KCNK9: variants seen among roughly 807,000 people sequenced by gnomAD.
KCNK9 encodes potassium channel subfamily K member 9.
In KCNK9, 1 loss-of-function variant was observed where a neutral mutation model predicts 10.8. That is an observed-to-expected ratio of 0.09 (90% CI 0.03 to 0.44). KCNK9 has a LOEUF of 0.44. KCNK9 is among the 20% of genes least tolerant of loss of function. KCNK9 has a pLI of 0.97. For synonymous variants in KCNK9, 231 were observed against 222.7 expected (o/e 1.04, Z -0.33); for missense variants, 303 against 515.0 (o/e 0.59, Z 3.98).
intron 1 of KCNK9, among the ~76,000 whole-genome samples, chr8:139,697,988 AC>A (rs2129814372): frequency 6.6e-6 from 1 of 152,198 alleles, no homozygotes; most frequent in South Asian, 2.1e-4. Context: ...CTCTGGGCCC[AC>A]CCCATGGCGC....
At chr8:139,694,155 C>T (rs562742654) in intron 1 of KCNK9, among the ~76,000 whole-genome samples, 1 of 152,046 alleles carries the variant, frequency 6.6e-6, no homozygotes, top group African/African-American at 2.4e-5. Flanking sequence ...AGGGGTTCGG[C>T]GGCAGCAGAA....
intron 1 of KCNK9, among the ~76,000 whole-genome samples, chr8:139,652,380 C>T (rs1391989754): frequency 6.6e-6 from 1 of 152,212 alleles, no homozygotes; most frequent in East Asian, 1.9e-4. Flanking sequence ...CTCCTGAGCC[C>T]ATCATGGCTC....
intron 1 of KCNK9, among the ~76,000 whole-genome samples, chr8:139,668,940 G>A (rs1212551727): frequency 6.6e-6 from 1 of 152,152 alleles, no homozygotes; most frequent in Non-Finnish European, 1.5e-5. Context: ...AGACAATGCA[G>A]TTTCGGTCTA....
In KCNK9 at chr8:139,688,380, G is replaced by A. The variant is rs769548058; in HGVS notation, c.283+14330C>T. On this transcript the variant is annotated intron_variant, in intron 1 of 1. Transcript: ENST00000520439. Reference sequence around the variant, plus strand: ...GAGAGGCCTCAGAAAACTTACAATCGTGGTGGAAAGGGAAGCAGGCAACTT... The same window carrying A: ...GAGAGGCCTCAGAAAACTTACAATCATGGTGGAAAGGGAAGCAGGCAACTT... Among the ~76,000 whole-genome samples the A allele has an allele frequency of 1.4e-4, 21 of 152,170 alleles. 1 individual carries two copies. The highest frequency in any genetic ancestry group is 6.5e-4 in the Admixed American group (10 of 15,286).
chr8:139,691,756 A>G (rs1816937199), intron 1 of KCNK9, among the ~76,000 whole-genome samples: 1 of 152,176 alleles, frequency 6.6e-6, no homozygotes, highest in Non-Finnish European at 1.5e-5. Context: ...TTAAAGAGAA[A>G]AGGGGCTCTG....
In KCNK9 at chr8:139,702,058, GC is replaced by G. The variant is rs1817232311; in HGVS notation, c.283+651del. Reference sequence around the variant, plus strand: ...CTCTACTGAGAGCAATTGAGGGGCTGCCACCCCCAACGCAAGCACCAGAGAG... The same window carrying G: ...CTCTACTGAGAGCAATTGAGGGGCTGCACCCCCAACGCAAGCACCAGAGAG... On this transcript the variant is annotated intron_variant, in intron 1 of 1. Coordinates refer to ENST00000520439, the MANE Select transcript of KCNK9 (RefSeq NM_001282534.2). This position sits in a 1 kb window ranked among gnomAD's most constrained non-coding sequence, Gnocchi z 7.5. Among the ~76,000 whole-genome samples, 1 of 152,168 alleles carries G rather than the reference GC, an allele frequency of 6.6e-6. No homozygotes were observed. The highest frequency in any genetic ancestry group is 2.1e-4 in the South Asian group (1 of 4,826).
chr8:139,624,662 C>A (rs1177557742), intron 1 of KCNK9, among the ~76,000 whole-genome samples: 1 of 152,180 alleles, frequency 6.6e-6, no homozygotes, highest in Admixed American at 6.5e-5. Flanking sequence ...CACATGGAAC[C>A]AACCCCTCGA....
At chr8:139,646,173 G>A (rs1815670310) in intron 1 of KCNK9, among the ~76,000 whole-genome samples, 1 of 152,190 alleles carries the variant, frequency 6.6e-6, no homozygotes, top group South Asian at 2.1e-4. Flanking sequence ...AGGAAGCCCT[G>A]CCTGTGAGCA....
At chr8:139,650,241 G>C (rs1319998896) in intron 1 of KCNK9, among the ~76,000 whole-genome samples, 1 of 152,178 alleles carries the variant, frequency 6.6e-6, no homozygotes, top group Non-Finnish European at 1.5e-5. Flanking sequence ...GTAGGGGTGA[G>C]GTGGGAGCAC....
intron 1 of KCNK9, among the ~76,000 whole-genome samples, chr8:139,672,445 G>C (rs1314589108): frequency 1.3e-5 from 2 of 152,196 alleles, no homozygotes; most frequent in Non-Finnish European, 2.9e-5. Flanking sequence ...GACAAAATCA[G>C]CTCAACCCTT....
intron 1 of KCNK9, among the ~76,000 whole-genome samples, chr8:139,698,656 A>G (rs1327671557): frequency 3.3e-5 from 5 of 152,212 alleles, no homozygotes; most frequent in African/African-American, 1.2e-4. Flanking sequence ...GCCAGGCCTT[A>G]TCTTGTCATC....
chr8:139,662,983 C>A (rs771807322), intron 1 of KCNK9, among the ~76,000 whole-genome samples: 5 of 152,012 alleles, frequency 3.3e-5, no homozygotes, highest in African/African-American at 1.2e-4. Flanking sequence ...CCTGCCTTCA[C>A]CCCCAGCTCT....
At chr8:139,669,657 G>T (rs1816381568) in intron 1 of KCNK9, among the ~76,000 whole-genome samples, 1 of 152,126 alleles carries the variant, frequency 6.6e-6, no homozygotes, top group Non-Finnish European at 1.5e-5. Flanking sequence ...CTGAAGTCTT[G>T]AACCCCTCAA....
intron 1 of KCNK9, among the ~76,000 whole-genome samples, chr8:139,670,439 C>T (rs1205582953): frequency 1.3e-5 from 2 of 152,134 alleles, no homozygotes; most frequent in African/African-American, 4.8e-5. Flanking sequence ...ATAAAAAAAG[C>T]AGTATCTATA....
At chr8:139,610,502 C>T (rs935402307), downstream of KCNK9, among the ~76,000 whole-genome samples, 1 of 152,176 alleles carries the variant, frequency 6.6e-6, no homozygotes, top group Non-Finnish European at 1.5e-5. Context: ...CAAGACAAGA[C>T]CCCAGGATGC....
At chr8:139,614,294 A>G (rs1158642336), downstream of KCNK9, among the ~76,000 whole-genome samples, 3 of 152,104 alleles carry the variant, frequency 2.0e-5, no homozygotes, top group Non-Finnish European at 4.4e-5. Context: ...GAGATTCATC[A>G]ATCTCCCTCC....
intron 1 of KCNK9, among the ~76,000 whole-genome samples, chr8:139,679,948 G>A (rs1224865412): frequency 2.0e-5 from 3 of 152,170 alleles, no homozygotes; most frequent in African/African-American, 4.8e-5. Context: ...CAGCTGGGTC[G>A]CTCAGGAGGG....
At chr8:139,613,491 C>T (rs1278597631), downstream of KCNK9, among the ~76,000 whole-genome samples, 3 of 152,322 alleles carry the variant, frequency 2.0e-5, no homozygotes, top group East Asian at 3.9e-4. Context: ...GCCGGTCCCT[C>T]TTCATCTTCC....
chr8:139,671,769 C>A (rs1008932910), intron 1 of KCNK9, among the ~76,000 whole-genome samples: 1 of 152,044 alleles, frequency 6.6e-6, no homozygotes, highest in Non-Finnish European at 1.5e-5. Context: ...CCATGTTGGC[C>A]GAGCTGGTCT....
Sources: gnomAD v4.1 joint callset for allele counts (sites outside exome capture counted in the v4.1 genomes callset) on GRCh38, gnomAD v4.1.1 for gene constraint, Gnocchi (gnomAD v3.1) non-coding constraint, MANE v1.5 for transcripts, NCBI Gene and HGNC (gene_info 2026-07-23, HGNC 2026-07-21) for gene names.